The following UCN3 variants were observed in gnomAD, a reference collection of about 807,000 sequenced individuals.
UCN3 encodes urocortin-3.
In UCN3, 3 loss-of-function variants were observed where a neutral mutation model predicts 3.6. The observed-to-expected ratio is 0.83, with a 90% CI of 0.38 to 2.15. The LOEUF is 2.15. UCN3 is among the 30% of genes most tolerant of loss of function. UCN3 has a pLI of 0.06. For synonymous variants in UCN3, 100 were observed against 93.2 expected, an observed-to-expected ratio of 1.07 and a Z score of -0.42; for missense variants, 206 against 208.3, an observed-to-expected ratio of 0.99 and a Z score of 0.07.
At chr10:5,373,674 C>G in intron 1 of UCN3, 41 bp from the exon 2 acceptor site, 1 of 1,588,736 alleles carries the variant, frequency 6.3e-7, no homozygotes, top group Non-Finnish European at 8.6e-7. Context: ...AGCACCACGC[C>G]CCTCCCATGC....
At chr10:5,370,053 ATG>A (rs150601556) in intron 1 of UCN3, among the ~76,000 whole-genome samples, 1,036 of 63,856 alleles carry the variant, frequency 0.016, 147 homozygotes, top group Middle Eastern at 0.033. Context: ...ATGCGTGTGT[ATG>A]TGTGTGTATA....
intron 1 of UCN3, among the ~76,000 whole-genome samples, chr10:5,370,242 TGTGTATGCGTGTGTATATGC>T (rs1564442606): frequency 7.5e-5 from 8 of 106,506 alleles, no homozygotes; most frequent in Non-Finnish European, 1.1e-4. Context: ...TGTATGCGTG[TGTGTATGCGTGTGTATATGC>T]GTGTGTATAT....
In UCN3 at chr10:5,365,528, C is replaced by G. The variant is rs1223922426; in HGVS notation, c.-7+298C>G. 2.6e-5 allele frequency among the ~76,000 whole-genome samples: 4 copies of G among 152,224 alleles called. No individual in the cohort carries two copies. Among genetic ancestry groups the G allele is most frequent in the South Asian group, 4.1e-4 (2 of 4,838 alleles). Reference sequence around the variant, plus strand: ...TTCACACAAATCTGTTTTCTCTGAACAGAGCACAGCTGTGCACAGGAAAGT... The same window carrying G: ...TTCACACAAATCTGTTTTCTCTGAAGAGAGCACAGCTGTGCACAGGAAAGT... On this transcript the variant is annotated intron_variant, in intron 1 of 1. Transcript: ENST00000380433. The surrounding 1 kb of genome is among the most constrained non-coding windows in gnomAD (Gnocchi z 4.4).
intron 1 of UCN3, among the ~76,000 whole-genome samples, chr10:5,369,995 ATGTGTG>A (rs146206216): frequency 1.6e-4 from 5 of 31,714 alleles, no homozygotes; most frequent in Non-Finnish European, 2.9e-4. Context: ...ATATGTGTGT[ATGTGTG>A]TGTGTATGTG....
intron 1 of UCN3, among the ~76,000 whole-genome samples, chr10:5,372,330 A>T (rs1384984571): frequency 6.6e-6 from 1 of 152,170 alleles, no homozygotes; most frequent in African/African-American, 2.4e-5. Flanking sequence ...GGCACAGCTG[A>T]TGCTGCTACT....
At chr10:5,370,941 GTGTA>G (rs1322908432) in intron 1 of UCN3, among the ~76,000 whole-genome samples, 2 of 105,478 alleles carry the variant, frequency 1.9e-5, no homozygotes, top group Admixed American at 1.0e-4. Context: ...GTGTGTTCAT[GTGTA>G]TGTGTGTAAG....
chr10:5,366,724 G>A lies in UCN3; in HGVS notation c.-7+1494G>A, dbSNP rs535148409. ...TCTAAAACTAAGCTCAGCACCGGGC[G>A]TCCCTATCATGTCCAATTCACAGTT... On this transcript the variant is annotated intron_variant, in intron 1 of 1. Coordinates refer to ENST00000380433, the MANE Select transcript of UCN3 (RefSeq NM_053049.4). The surrounding 1 kb of genome is among the most constrained non-coding windows in gnomAD (Gnocchi z 4.2). Among the ~76,000 whole-genome samples, 61 of 152,286 alleles carry A rather than the reference G, an allele frequency of 4.0e-4. No individual in the cohort carries two copies. Among genetic ancestry groups the A allele is most frequent in the Middle Eastern group, 6.8e-3 (2 of 294 alleles).
intron 1 of UCN3, among the ~76,000 whole-genome samples, chr10:5,370,645 ATGTG>A (rs201078783): frequency 6.9e-5 from 3 of 43,662 alleles, no homozygotes; most frequent in African/African-American, 3.0e-4. Flanking sequence ...GTGTGTGTAT[ATGTG>A]TGTGTATGTG....
chr10:5,370,766 C>CGTGTGTATATGCGTGT (rs1371409176), intron 1 of UCN3, among the ~76,000 whole-genome samples: 1 of 75,484 alleles, frequency 1.3e-5, no homozygotes, highest in African/African-American at 5.9e-5. Flanking sequence ...TGTGTATATG[C>CGTGTGTATATGCGTGT]GTGTGTATAT....
intron 1 of UCN3, among the ~76,000 whole-genome samples, chr10:5,372,151 C>G (rs782698577): frequency 1.3e-5 from 2 of 152,184 alleles, no homozygotes; most frequent in Admixed American, 6.5e-5. Context: ...AATAAATAAA[C>G]GTGATGTCCT....
chr10:5,374,237 T>TGGGGAGGGAGA lies in UCN3; in HGVS notation c.*39_*40insAGAGGGGAGGG. The stretch of plus-strand genomic sequence containing the variant: ...GAGGCTGGACGGGAGGGCAGCGGGG[T>TGGGGAGGGAGA]GGGGAGGGGGAGGGGAGGGGGAGGG... On this transcript the variant is annotated 3_prime_UTR_variant, in exon 2 of 2. Coordinates refer to ENST00000380433, the MANE Select transcript of UCN3 (RefSeq NM_053049.4). The TGGGGAGGGAGA allele has an allele frequency of 5.5e-6, 1 of 182,264 alleles. No homozygotes were observed. The highest frequency in any genetic ancestry group is 6.6e-6 in the Non-Finnish European group (1 of 150,466). The allele number at this position is 182,264 out of a possible 1,614,324, so 11.3% of individuals were successfully genotyped here. A position where few individuals can be genotyped will look rare whatever the true frequency, so the allele number is the denominator to read the frequency against.
At chr10:5,372,166 A>G (rs75642948) in intron 1 of UCN3, among the ~76,000 whole-genome samples, 7,172 of 152,314 alleles carry the variant, frequency 0.047, 544 homozygotes, top group African/African-American at 0.16. Context: ...TGTCCTTATT[A>G]CAGGGCTGGG....
At chr10:5,370,920 C>CGTGTGTATATGTGTGTGTTTAT (rs1228555166) in intron 1 of UCN3, among the ~76,000 whole-genome samples, 13 of 109,894 alleles carry the variant, frequency 1.2e-4, no homozygotes, top group Admixed American at 9.7e-4. Context: ...TGTGTATATG[C>CGTGTGTATATGTGTGTGTTTAT]GTGTGTATAT....
chr10:5,366,103 C>T lies in UCN3; in HGVS notation c.-7+873C>T, dbSNP rs145287995. Among the ~76,000 whole-genome samples, 592 of 152,358 alleles carry T rather than the reference C, an allele frequency of 3.9e-3. 3 individuals carry two copies. The highest frequency in any genetic ancestry group is 0.013 in the African/African-American group (560 of 41,566). ...CGGAGCCCACAGGAATAGCTCTGCACTTGGCAGAGATGTGTGATCAGTACT... is the reference window on the plus strand; with the variant it reads ...CGGAGCCCACAGGAATAGCTCTGCATTTGGCAGAGATGTGTGATCAGTACT... On this transcript the variant is annotated intron_variant, in intron 1 of 1. Transcript: ENST00000380433. The surrounding 1 kb of genome is among the most constrained non-coding windows in gnomAD (Gnocchi z 4.2).
chr10:5,370,679 GTGTGTGTA>G lies in UCN3; in HGVS notation c.-6-3026_-6-3019del, dbSNP rs1564443367. ...TATGTGTGTGTATGTGTGTGTATGT[GTGTGTGTA>G]TGTGTGTATATGTGTGTGTATATGA... On this transcript the variant is annotated intron_variant, in intron 1 of 1. Transcript: ENST00000380433. 5.1e-5 allele frequency among the ~76,000 whole-genome samples: 5 copies of G among 98,622 alleles called. 1 individual carries two copies. Among genetic ancestry groups the G allele is most frequent in the East Asian group, 8.5e-4 (2 of 2,356 alleles). The allele number at this position is 98,622 out of a possible 152,430, so 64.7% of individuals were successfully genotyped here.
chr10:5,373,750 C>G lies in UCN3; in HGVS notation c.30C>G (p.Leu10=). Residue 10 remains leucine, a synonymous_variant, in exon 2 of 2, where the codon CTC becomes CTG. Coordinates refer to ENST00000380433, the MANE Select transcript of UCN3 (RefSeq NM_053049.4). ...TGATGCCGGTCCACTTCCTGCTGCT[C>G]CTGCTGCTGCTCCTGGGGGGCCCCA... is the stretch of plus-strand genomic sequence containing the variant. MLMPVHFLL[L]LLLLLGGPRT... The G allele has an allele frequency of 6.2e-7, 1 of 1,613,854 alleles. No individual in the cohort carries two copies. Among genetic ancestry groups the G allele is most frequent in the East Asian group, 2.2e-5 (1 of 44,834 alleles).
chr10:5,365,431 G>A lies in UCN3; in HGVS notation c.-7+201G>A, dbSNP rs1328768535. 6.6e-6 allele frequency among the ~76,000 whole-genome samples: 1 copy of A among 152,204 alleles called. No homozygotes were observed. Among genetic ancestry groups the A allele is most frequent in the Non-Finnish European group, 1.5e-5 (1 of 68,046 alleles). ...GGGACCAGGGGAAGTTTCTCAGGGAGGCACAATCACATTCCCACGTTGGTA... is the reference window on the plus strand; with the variant it reads ...GGGACCAGGGGAAGTTTCTCAGGGAAGCACAATCACATTCCCACGTTGGTA... On this transcript the variant is annotated intron_variant, in intron 1 of 1. Transcript: ENST00000380433. The surrounding 1 kb of genome is among the most constrained non-coding windows in gnomAD (Gnocchi z 4.4).
intron 1 of UCN3, among the ~76,000 whole-genome samples, chr10:5,368,157 C>G (rs1231868799): frequency 6.6e-6 from 1 of 152,088 alleles, no homozygotes. Flanking sequence ...GCGTGTGCCA[C>G]CACGCCTGGC....
intron 1 of UCN3, among the ~76,000 whole-genome samples, chr10:5,370,978 A>G (rs1245652455): frequency 6.7e-6 from 1 of 149,578 alleles, no homozygotes; most frequent in African/African-American, 2.5e-5. Flanking sequence ...GTATGTATGT[A>G]CATGTGAGGT....
Sources: allele counts gnomAD v4.1 joint callset (sites outside exome capture counted in the v4.1 genomes callset), GRCh38; gene constraint gnomAD v4.1.1; non-coding constraint Gnocchi (gnomAD v3.1); transcripts MANE v1.5; gene names NCBI Gene and HGNC (gene_info 2026-07-23, HGNC 2026-07-21).